Variants in EVL observed in about 807,000 individuals in gnomAD.
EVL encodes ena/VASP-like protein.
Under a neutral mutation model 59.6 loss-of-function variants are expected in EVL, and 21 were observed. The ratio of observed to expected loss-of-function variants is 0.35; its 90% CI spans 0.25 to 0.51. EVL has a LOEUF of 0.51. Among genes scored for constraint, EVL ranks in the 20% least tolerant of loss-of-function variants. The probability of loss-of-function intolerance (pLI) is 0.97; values close to 1 mark genes in which losing one functional copy is unlikely to be tolerated. For synonymous variants in EVL, 198 were observed against 203.5 expected, an observed-to-expected ratio of 0.97 and a Z score of 0.23; for missense variants, 462 against 546.6, an observed-to-expected ratio of 0.85 and a Z score of 1.54.
chr14:100,084,898 C>T, intron 2 of EVL, 43 bp downstream of exon 2: 1 of 1,599,222 alleles, frequency 6.3e-7, no homozygotes, highest in Non-Finnish European at 8.5e-7. Flanking sequence ...GCCTGCGCAC[C>T]ACCTCCTCAC....
intron 1 of EVL, among the ~76,000 whole-genome samples, chr14:100,040,367 CGTCTA>C (rs1312706716): frequency 6.6e-6 from 1 of 152,176 alleles, no homozygotes; most frequent in Non-Finnish European, 1.5e-5. Context: ...ATTAGCCTCC[CGTCTA>C]GTCTACATTC....
At chr14:100,050,361 A>T (rs7157976) in intron 1 of EVL, among the ~76,000 whole-genome samples, 25,184 of 82,690 alleles carry the variant, frequency 0.3, 2,436 homozygotes, top group Non-Finnish European at 0.36. Context: ...TTATTTATTT[A>T]TTTTTTTTTA....
chr14:100,047,114 C>CTTTTTTTTTTTTTT (rs1379774654), intron 1 of EVL, among the ~76,000 whole-genome samples: 1,608 of 95,070 alleles, frequency 0.017, 422 homozygotes, highest in South Asian at 0.052. Context: ...GCAGATCTCT[C>CTTTTTTTTTTTTTT]TCTCTTTTTT....
intron 1 of EVL, among the ~76,000 whole-genome samples, chr14:100,072,887 C>T (rs150357810): frequency 3.4e-3 from 512 of 152,378 alleles, no homozygotes; most frequent in Non-Finnish European, 5.9e-3. Flanking sequence ...AAGAGCCTTA[C>T]TGCACGGCGG....
intron 1 of EVL, among the ~76,000 whole-genome samples, chr14:99,981,604 A>T (rs1250663070): frequency 6.6e-6 from 1 of 152,196 alleles, no homozygotes; most frequent in Non-Finnish European, 1.5e-5. Context: ...GTGCACAATA[A>T]AGCAGTAAAG....
intron 1 of EVL, among the ~76,000 whole-genome samples, chr14:99,996,562 A>AG (rs34395347): frequency 0.03 from 4,611 of 152,330 alleles, 110 homozygotes; most frequent in Non-Finnish European, 0.046. Context: ...TTTACATGCC[A>AG]GGCATTGTTC....
In EVL at chr14:100,137,463, G is replaced by A. The variant is rs190710446; in HGVS notation, c.965-115G>A. 3,298 of 1,106,382 alleles carry A rather than the reference G, an allele frequency of 3.0e-3. 9 individuals carry two copies. Among genetic ancestry groups the A allele is most frequent in the Non-Finnish European group, 3.6e-3 (2,644 of 738,266 alleles). 68.5% of individuals were successfully genotyped at this position (1,106,382 alleles called of 1,614,324 possible). The stretch of plus-strand genomic sequence containing the variant: ...TAACTCAATCAGACCTTCCTGCCAC[G>A]GGGCTCTGCACCCTTGGCATGGGTG... On this transcript the variant is annotated intron_variant, in intron 9 of 13. Transcript: ENST00000392920.
chr14:100,014,856 A>G (rs1487570097), intron 1 of EVL, among the ~76,000 whole-genome samples: 1 of 152,122 alleles, frequency 6.6e-6, no homozygotes, highest in Admixed American at 6.5e-5. Context: ...AATTCCTCTT[A>G]TTACCGCTCA....
chr14:100,115,339 C>T (rs1887268855), intron 3 of EVL, among the ~76,000 whole-genome samples: 1 of 152,204 alleles, frequency 6.6e-6, no homozygotes, highest in South Asian at 2.1e-4. Context: ...TGCCCTTTCC[C>T]TGGGCCTCGG....
At chr14:100,139,026 GA>G (rs1266248792) in intron 11 of EVL, 6 of 152,364 alleles carry the variant, frequency 3.9e-5, no homozygotes, top group Non-Finnish European at 5.9e-5. Context: ...CGCGGAGTTA[GA>G]AGTTTGCATT....
chr14:100,001,633 G>C (rs1566966014), intron 1 of EVL, among the ~76,000 whole-genome samples: 1 of 152,200 alleles, frequency 6.6e-6, no homozygotes, highest in African/African-American at 2.4e-5. Context: ...CCCAGCCGTG[G>C]ATTTGTACCA....
chr14:100,025,151 A>C (rs944827029), intron 1 of EVL, among the ~76,000 whole-genome samples: 1 of 151,708 alleles, frequency 6.6e-6, no homozygotes, highest in African/African-American at 2.4e-5. Context: ...AAATCATGTC[A>C]CTCCTGTTCT....
At chr14:100,019,499 A>G (rs534454354) in intron 1 of EVL, 81 of 563,342 alleles carry the variant, frequency 1.4e-4, no homozygotes, top group Middle Eastern at 2.7e-4. Context: ...GCGGAGCTGG[A>G]GGCTGCAGGC....
chr14:100,029,310 A>T (rs1490192796), intron 1 of EVL, among the ~76,000 whole-genome samples: 1 of 152,222 alleles, frequency 6.6e-6, no homozygotes, highest in Non-Finnish European at 1.5e-5. Context: ...CATATCCTCA[A>T]CTATGTTGGT....
At chr14:99,992,436 G>A (rs1178705360) in intron 1 of EVL, among the ~76,000 whole-genome samples, 1 of 152,048 alleles carries the variant, frequency 6.6e-6, no homozygotes. Context: ...CTTTTGTGCA[G>A]AAGTTTTAAA....
At chr14:99,992,615 G>A (rs1199907228) in intron 1 of EVL, among the ~76,000 whole-genome samples, 1 of 152,170 alleles carries the variant, frequency 6.6e-6, no homozygotes, top group Non-Finnish European at 1.5e-5. Flanking sequence ...ATGGTGTAAG[G>A]TAAGGATCTA....
At chr14:100,082,917 G>A (rs1595149109) in intron 1 of EVL, among the ~76,000 whole-genome samples, 1 of 152,198 alleles carries the variant, frequency 6.6e-6, no homozygotes, top group African/African-American at 2.4e-5. Context: ...GTCAGCGGCT[G>A]GGAGCAGCAT....
At chr14:100,002,509 C>T (rs2060952261) in intron 1 of EVL, among the ~76,000 whole-genome samples, 1 of 152,074 alleles carries the variant, frequency 6.6e-6, no homozygotes, top group African/African-American at 2.4e-5. Flanking sequence ...TATAATTTTG[C>T]AACACATACC....
intron 1 of EVL, among the ~76,000 whole-genome samples, chr14:100,069,562 C>T (rs1356317400): frequency 6.6e-6 from 1 of 152,210 alleles, no homozygotes; most frequent in Non-Finnish European, 1.5e-5. Context: ...GTAGTCCGTT[C>T]ACTCTCCATG....
Sources: allele counts gnomAD v4.1 joint callset (sites outside exome capture counted in the v4.1 genomes callset), GRCh38; gene constraint gnomAD v4.1.1; transcripts MANE v1.5; gene names NCBI Gene and HGNC (gene_info 2026-07-23, HGNC 2026-07-21).